PDSS2: variants seen among roughly 807,000 people sequenced by gnomAD.
The protein encoded by PDSS2 is all trans-polyprenyl-diphosphate synthase PDSS2.
A neutral mutation model predicts 44.5 loss-of-function variants in PDSS2; 31 were observed. The observed-to-expected ratio is 0.70, with a 90% CI of 0.52 to 0.94. The LOEUF is 0.94. PDSS2 is among the 40% of genes least tolerant of loss of function. The pLI is 0.00. For missense variants in PDSS2, 452 were observed against 482.2 expected (o/e 0.94, Z 0.59); for synonymous variants, 157 against 180.3 (o/e 0.87, Z 1.03).
chr6:107,389,992 G>T (rs9486604), intron 1 of PDSS2, among the ~76,000 whole-genome samples: 10,433 of 152,014 alleles, frequency 0.069, 429 homozygotes, highest in Non-Finnish European at 0.091. Flanking sequence ...GCCAAAGCTG[G>T]AACAATTTGA....
At chr6:107,162,610 A>ATTTTTTTTTTTTTTTTTTTTTTTTTTTT (rs71012782) in intron 7 of PDSS2, among the ~76,000 whole-genome samples, 1 of 115,552 alleles carries the variant, frequency 8.7e-6, no homozygotes, top group Admixed American at 9.4e-5. Flanking sequence ...GAATTCCCTA[A>ATTTTTTTTTTTTTTTTTTTTTTTTTTTT]TTTTTTTTTT....
At chr6:107,436,921 G>A (rs746510725) in intron 1 of PDSS2, among the ~76,000 whole-genome samples, 13 of 151,860 alleles carry the variant, frequency 8.6e-5, no homozygotes, top group Non-Finnish European at 1.9e-4. Flanking sequence ...AATTTACTAC[G>A]ACAGATGATG....
chr6:107,214,697 A>G (rs1773354671), intron 4 of PDSS2, among the ~76,000 whole-genome samples: 1 of 152,232 alleles, frequency 6.6e-6, no homozygotes, highest in Admixed American at 6.5e-5. Context: ...AGTGGTCACC[A>G]AAAGGTCAGC....
At chr6:107,182,620 C>T (rs924541014) in intron 7 of PDSS2, among the ~76,000 whole-genome samples, 2 of 152,088 alleles carry the variant, frequency 1.3e-5, no homozygotes, top group Non-Finnish European at 2.9e-5. Flanking sequence ...CCACCACACC[C>T]GGCCTATAAT....
chr6:107,219,595 T>C (rs1773532179), intron 4 of PDSS2, among the ~76,000 whole-genome samples: 1 of 152,214 alleles, frequency 6.6e-6, no homozygotes, highest in Admixed American at 6.5e-5. Context: ...CCTACTTGTG[T>C]GAACTTTAAA....
intron 7 of PDSS2, among the ~76,000 whole-genome samples, chr6:107,158,494 G>C (rs373810517): frequency 1.3e-5 from 2 of 152,002 alleles, no homozygotes; most frequent in South Asian, 4.2e-4. Flanking sequence ...CAGAGGCCAG[G>C]TTTTCTAATG....
rs1471840824 is a variant in PDSS2, at chr6:107,225,178, T to A, written c.703-12896A>T. Among the ~76,000 whole-genome samples, 25 of 108,316 alleles carry A rather than the reference T, an allele frequency of 2.3e-4. 2 individuals are homozygous for A. Among genetic ancestry groups the A allele is most frequent in the African/African-American group, 8.7e-4 (19 of 21,940 alleles). The allele number at this position is 108,316 out of a possible 152,430, so 71.1% of individuals were successfully genotyped here. ...ATATATATATTTTTTTTTTTTTTTT[T>A]TTTTTTTTTTTGAGACAGAGTGTCA... On this transcript the variant is annotated intron_variant, in intron 4 of 7. Coordinates refer to ENST00000369037, the MANE Select transcript of PDSS2 (RefSeq NM_020381.4).
At chr6:107,162,331 C>T (rs1771164083) in intron 7 of PDSS2, among the ~76,000 whole-genome samples, 1 of 151,694 alleles carries the variant, frequency 6.6e-6, no homozygotes, top group Non-Finnish European at 1.5e-5. Flanking sequence ...CCCATCTCTA[C>T]TAAAAACAAA....
At chr6:107,169,223 C>T (rs1554248101) in intron 7 of PDSS2, among the ~76,000 whole-genome samples, 1 of 152,070 alleles carries the variant, frequency 6.6e-6, no homozygotes, top group Admixed American at 6.6e-5. Context: ...TCATTTCATT[C>T]ATTTGATCTT....
intron 2 of PDSS2, among the ~76,000 whole-genome samples, chr6:107,318,191 G>A (rs143089845): frequency 3.3e-5 from 5 of 152,202 alleles, no homozygotes; most frequent in African/African-American, 1.2e-4. Context: ...AACAGGTGGG[G>A]AGGTTATCAT....
chr6:107,380,668 T>A (rs1297730260), intron 1 of PDSS2, among the ~76,000 whole-genome samples: 1 of 152,200 alleles, frequency 6.6e-6, no homozygotes, highest in Non-Finnish European at 1.5e-5. Context: ...ATCCAACTAA[T>A]CCTGACAGTT....
At chr6:107,440,214 A>G (rs1562541608) in intron 1 of PDSS2, among the ~76,000 whole-genome samples, 1 of 152,060 alleles carries the variant, frequency 6.6e-6, no homozygotes, top group East Asian at 1.9e-4. Flanking sequence ...TTCAGAAGAG[A>G]TATTTATTCT....
chr6:107,402,756 A>C (rs1207960033), intron 1 of PDSS2, among the ~76,000 whole-genome samples: 1 of 151,424 alleles, frequency 6.6e-6, no homozygotes, highest in African/African-American at 2.4e-5. Context: ...TATAAACTAG[A>C]ACTAGAACTA....
chr6:107,258,686 C>T (rs1775110494), intron 3 of PDSS2, among the ~76,000 whole-genome samples: 1 of 151,954 alleles, frequency 6.6e-6, no homozygotes, highest in African/African-American at 2.4e-5. Context: ...GCCTATAATC[C>T]CAGCTACTTG....
chr6:107,291,412 A>G (rs1369758941), intron 2 of PDSS2, among the ~76,000 whole-genome samples: 1 of 147,358 alleles, frequency 6.8e-6, no homozygotes, highest in Non-Finnish European at 1.5e-5. Flanking sequence ...CAGTAGTGTT[A>G]TTGTAGTTCA....
At chr6:107,413,952 C>T (rs1780582762) in intron 1 of PDSS2, among the ~76,000 whole-genome samples, 1 of 151,894 alleles carries the variant, frequency 6.6e-6, no homozygotes, top group South Asian at 2.1e-4. Flanking sequence ...AACATTTAAT[C>T]ACCTGGATAG....
In PDSS2 at chr6:107,459,366, AC is replaced by A; in HGVS notation, c.-82del. 1 of 1,186,288 alleles carries A rather than the reference AC, an allele frequency of 8.4e-7. No individual in the cohort carries two copies. The highest frequency in any genetic ancestry group is 1.2e-6 in the Non-Finnish European group (1 of 809,694). The allele number at this position is 1,186,288 out of a possible 1,614,324, so 73.5% of individuals were successfully genotyped here. On this transcript the variant is annotated 5_prime_UTR_variant, in exon 1 of 8. Coordinates refer to ENST00000369037, the MANE Select transcript of PDSS2 (RefSeq NM_020381.4). This position sits in a 1 kb window ranked among gnomAD's most constrained non-coding sequence, Gnocchi z 4.3. Reference sequence around the variant, plus strand: ...CAAACCAGGGGCAGAGGAGGAACTTACAGTAACTAAAAGGAAGCGGCAATTC... The same window carrying A: ...CAAACCAGGGGCAGAGGAGGAACTTAAGTAACTAAAAGGAAGCGGCAATTC...
chr6:107,425,049 A>T (rs1780948800), intron 1 of PDSS2, among the ~76,000 whole-genome samples: 2 of 152,266 alleles, frequency 1.3e-5, no homozygotes, highest in South Asian at 4.1e-4. Context: ...CTTGTACAAG[A>T]TCTCTTTCTT....
chr6:107,229,030 A>G (rs1773938277), intron 4 of PDSS2, among the ~76,000 whole-genome samples: 1 of 152,134 alleles, frequency 6.6e-6, no homozygotes, highest in African/African-American at 2.4e-5. Flanking sequence ...GACCAATGAA[A>G]TACACTTCAG....
Sources: gnomAD v4.1 joint callset for allele counts (sites outside exome capture counted in the v4.1 genomes callset) on GRCh38, gnomAD v4.1.1 for gene constraint, Gnocchi (gnomAD v3.1) non-coding constraint, MANE v1.5 for transcripts, NCBI Gene and HGNC (gene_info 2026-07-23, HGNC 2026-07-21) for gene names.